Variants in CSMD1 observed in about 807,000 individuals in gnomAD.
CSMD1 encodes CUB and Sushi multiple domains 1.
CSMD1 carries 213 observed loss-of-function variants against 417.5 expected under a neutral mutation model. The observed-to-expected ratio is 0.51, with a 90% confidence interval of 0.46 to 0.57. The LOEUF (loss-of-function observed/expected upper bound fraction) is 0.57. CSMD1 is among the 20% of genes least tolerant of loss of function. CSMD1 has a pLI of 0.00. For synonymous variants in CSMD1, 2,862 were observed against 1,736.8 expected (o/e 1.65, Z -16.11); for missense variants, 6,923 against 4,529.7 (o/e 1.53, Z -15.17).
chr8:4,962,795 T>C (rs1809595319), intron 1 of CSMD1, among the ~76,000 whole-genome samples: 2 of 152,152 alleles, frequency 1.3e-5, no homozygotes, highest in Admixed American at 1.3e-4. Context: ...AAAATTACAC[T>C]CCTTAGTAAA....
At chr8:3,274,807 T>C (rs1802147739) in intron 26 of CSMD1, among the ~76,000 whole-genome samples, 1 of 152,228 alleles carries the variant, frequency 6.6e-6, no homozygotes, top group South Asian at 2.1e-4. Flanking sequence ...CCTTTCATTT[T>C]GAGCCTATGT....
chr8:3,813,116 G>C (rs1801176401), intron 5 of CSMD1, among the ~76,000 whole-genome samples: 1 of 137,126 alleles, frequency 7.3e-6, no homozygotes, highest in African/African-American at 2.7e-5. Context: ...TTTTTAACTA[G>C]ATGAAGACTT....
intron 2 of CSMD1, among the ~76,000 whole-genome samples, chr8:4,596,406 A>G (rs903810412): frequency 1.3e-5 from 2 of 152,194 alleles, no homozygotes; most frequent in African/African-American, 4.8e-5. Context: ...CGTCAAAGAC[A>G]ATTTTCTATT....
chr8:4,860,613 C>A (rs899241709), intron 1 of CSMD1, among the ~76,000 whole-genome samples: 2 of 152,086 alleles, frequency 1.3e-5, no homozygotes, highest in Non-Finnish European at 2.9e-5. Context: ...TTATAAATTA[C>A]CCAGTCTCTG....
At chr8:4,021,336 C>G (rs1585146958) in intron 4 of CSMD1, among the ~76,000 whole-genome samples, 1 of 152,224 alleles carries the variant, frequency 6.6e-6, no homozygotes, top group Admixed American at 6.5e-5. Flanking sequence ...GTTTATTTCA[C>G]TTGTTTCATG....
Position 3,387,657 on chromosome 8 carries a change from G to A in CSMD1, c.2619C>T (p.Cys873=), listed in dbSNP as rs755956140. 6 of 1,598,624 alleles carry A rather than the reference G, an allele frequency of 3.8e-6. No homozygotes were observed. In the Admixed American group the frequency reaches 1.0e-4, roughly 28 times the overall value. Residue 873 remains cysteine (C), a synonymous_variant, in exon 18 of 70, where the codon TGC becomes TGT. Coordinates refer to ENST00000635120, the MANE Select transcript of CSMD1 (RefSeq NM_033225.6). ...YESVTLESDS[C]LDPGIPVNGH... ...CGTTCACAGGGATGCCCGGGTCCAG[G>A]CAGGAATCCGACTCAAGCGTCACAC...
At chr8:4,307,574 G>T (rs12548881) in intron 3 of CSMD1, among the ~76,000 whole-genome samples, 1 of 152,188 alleles carries the variant, frequency 6.6e-6, no homozygotes, top group African/African-American at 2.4e-5. Context: ...GCTTATCTGT[G>T]TTTACAGAGT....
Position 4,747,040 on chromosome 8 carries a change from C to T in CSMD1, c.86-109482G>A, listed in dbSNP as rs116672715. On this transcript the variant is annotated intron_variant, in intron 1 of 69. Transcript: ENST00000635120. ...CAGAGAAGCCACTGAGTAGGGAGGG[C>T]CTCCCCACCAGAATGGATCACCATC... 4.5e-3 allele frequency among the ~76,000 whole-genome samples: 680 copies of T among 152,208 alleles called. 1 individual carries two copies. The highest frequency in any genetic ancestry group is 0.016 in the African/African-American group (647 of 41,538).
chr8:3,355,181 T>C (rs1051893527), intron 21 of CSMD1, among the ~76,000 whole-genome samples: 2 of 151,866 alleles, frequency 1.3e-5, no homozygotes, highest in African/African-American at 2.4e-5. Flanking sequence ...GATATATATC[T>C]CACTTTCATT....
At chr8:3,841,768 C>T (rs1400589148) in intron 5 of CSMD1, among the ~76,000 whole-genome samples, 1 of 152,174 alleles carries the variant, frequency 6.6e-6, no homozygotes, top group South Asian at 2.1e-4. Context: ...ATAACATCCA[C>T]AGACAATGAA....
intron 3 of CSMD1, among the ~76,000 whole-genome samples, chr8:4,398,415 T>C (rs13260271): frequency 0.57 from 72,855 of 128,274 alleles, 21,428 homozygotes; most frequent in Middle Eastern, 0.69. Context: ...TTTTGTGAGA[T>C]AGAGTCTCAC....
intron 4 of CSMD1, among the ~76,000 whole-genome samples, chr8:4,026,805 A>G (rs1797086125): frequency 6.6e-6 from 1 of 152,238 alleles, no homozygotes; most frequent in African/African-American, 2.4e-5. Flanking sequence ...AATGATTAAG[A>G]TTTATGGCTG....
At chr8:3,667,442 T>C (rs749142308) in intron 7 of CSMD1, among the ~76,000 whole-genome samples, 53 of 151,924 alleles carry the variant, frequency 3.5e-4, no homozygotes, top group Non-Finnish European at 6.5e-4. Context: ...ATAGCAGCCA[T>C]TGGCAAGGCC....
intron 7 of CSMD1, among the ~76,000 whole-genome samples, chr8:3,701,435 C>G (rs568106260): frequency 1.3e-5 from 2 of 152,092 alleles, no homozygotes; most frequent in East Asian, 1.9e-4. Flanking sequence ...ACCGAAGCTG[C>G]TGCTGGCGGT....
intron 6 of CSMD1, among the ~76,000 whole-genome samples, chr8:3,742,871 G>C (rs1796882309): frequency 6.6e-6 from 1 of 152,238 alleles, no homozygotes; most frequent in South Asian, 2.1e-4. Context: ...GTTTCTAAAT[G>C]TGTTATGACT....
At chr8:3,289,390 A>G (rs1803385475) in intron 25 of CSMD1, among the ~76,000 whole-genome samples, 1 of 147,392 alleles carries the variant, frequency 6.8e-6, no homozygotes, top group Non-Finnish European at 1.5e-5. Flanking sequence ...TAGATCCCTG[A>G]GGAATCGCCA....
At chr8:3,134,462 C>T (rs779013435) in intron 41 of CSMD1, among the ~76,000 whole-genome samples, 93 of 152,138 alleles carry the variant, frequency 6.1e-4, no homozygotes, top group Non-Finnish European at 1.2e-3. Context: ...TTTTCACAGC[C>T]GTAAAACTTG....
At chr8:4,349,418 T>G (rs577363585) in intron 3 of CSMD1, among the ~76,000 whole-genome samples, 2 of 152,324 alleles carry the variant, frequency 1.3e-5, no homozygotes, top group Admixed American at 6.5e-5. Flanking sequence ...CACCTCTACT[T>G]TAATGATAGA....
intron 3 of CSMD1, among the ~76,000 whole-genome samples, chr8:4,281,575 T>C (rs758243532): frequency 1.3e-4 from 20 of 152,356 alleles, no homozygotes; most frequent in Non-Finnish European, 2.1e-4. Context: ...CTGTTCTTTT[T>C]CTGTTTTTTG....
Sources: gnomAD v4.1 joint callset for allele counts (sites outside exome capture counted in the v4.1 genomes callset) on GRCh38, gnomAD v4.1.1 for gene constraint, MANE v1.5 for transcripts, NCBI Gene and HGNC (gene_info 2026-07-23, HGNC 2026-07-21) for gene names.